Variants in ATP10B observed in about 807,000 individuals in gnomAD.
ATP10B encodes ATPase phospholipid transporting 10B (putative), also known as phospholipid-transporting ATPase VB.
A neutral mutation model predicts 141.2 loss-of-function variants in ATP10B; 122 were observed. That is an observed-to-expected ratio of 0.86 (90% CI 0.75 to 1.00). The LOEUF is 1.00. Among genes scored for constraint, ATP10B ranks in the 50% least tolerant of loss-of-function variants. The pLI is 0.00. For synonymous variants in ATP10B, 685 were observed against 692.0 expected (o/e 0.99, Z 0.16); for missense variants, 1,876 against 1,825.3 (o/e 1.03, Z -0.51).
At chr5:160,663,571 T>G (rs1230703461) in intron 7 of ATP10B, among the ~76,000 whole-genome samples, 1 of 151,850 alleles carries the variant, frequency 6.6e-6, no homozygotes, top group Non-Finnish European at 1.5e-5. Flanking sequence ...TTCTCACTCA[T>G]AGATGGGAAT....
the ATP10B span, among the ~76,000 whole-genome samples, chr5:160,926,740 C>G: frequency 1.3e-5 from 2 of 152,232 alleles, no homozygotes; most frequent in African/African-American, 4.8e-5. Context: ...AGCAAATAGG[C>G]TGAGTGTTAA....
the ATP10B span, among the ~76,000 whole-genome samples, chr5:160,881,798 A>T: frequency 5.3e-5 from 8 of 152,022 alleles, no homozygotes; most frequent in South Asian, 1.0e-3. Context: ...GTGACAGAGC[A>T]AGACTCCATC....
At chr5:160,736,659 C>T (rs2127801243) in intron 2 of ATP10B, among the ~76,000 whole-genome samples, 1 of 152,228 alleles carries the variant, frequency 6.6e-6, no homozygotes, top group South Asian at 2.1e-4. Flanking sequence ...ACCTGGGAGG[C>T]TGAGGCAGAA....
chr5:160,689,438 CTATG>C (rs1249343247), intron 3 of ATP10B, among the ~76,000 whole-genome samples: 1 of 152,168 alleles, frequency 6.6e-6, no homozygotes, highest in Non-Finnish European at 1.5e-5. Flanking sequence ...GTCAAATGGT[CTATG>C]TTTGCAGATG....
At chr5:160,598,215 T>C (rs1204540033) in intron 22 of ATP10B, among the ~76,000 whole-genome samples, 5 of 151,932 alleles carry the variant, frequency 3.3e-5, no homozygotes, top group Admixed American at 2.0e-4. Context: ...CCATAAAAAA[T>C]GATGAGTTCA....
intron 9 of ATP10B, among the ~76,000 whole-genome samples, chr5:160,641,992 G>T (rs1302437380): frequency 6.6e-6 from 1 of 152,208 alleles, no homozygotes; most frequent in Admixed American, 6.5e-5. Context: ...TCCATTCAGG[G>T]ATCCTGGGAC....
chr5:160,748,136 T>C (rs976569187), intron 2 of ATP10B, among the ~76,000 whole-genome samples: 1 of 152,036 alleles, frequency 6.6e-6, no homozygotes, highest in Admixed American at 6.6e-5. Flanking sequence ...ATCTGAAACA[T>C]GCGGTGTAGA....
chr5:160,897,403 C>T, the ATP10B span, among the ~76,000 whole-genome samples: 1 of 152,052 alleles, frequency 6.6e-6, no homozygotes, highest in Non-Finnish European at 1.5e-5. Flanking sequence ...CAATAACAGA[C>T]AAACAGAGAG....
At chr5:160,735,921 TA>T (rs1201805139) in intron 2 of ATP10B, among the ~76,000 whole-genome samples, 1 of 151,762 alleles carries the variant, frequency 6.6e-6, no homozygotes, top group Non-Finnish European at 1.5e-5. Flanking sequence ...TTAAGGAAAT[TA>T]AAAAAAATTC....
chr5:160,647,025 C>T (rs1263377116), intron 8 of ATP10B, among the ~76,000 whole-genome samples: 2 of 152,166 alleles, frequency 1.3e-5, no homozygotes, highest in African/African-American at 4.8e-5. Context: ...TAGACATTGT[C>T]AAATGTCTCC....
intron 1 of ATP10B, among the ~76,000 whole-genome samples, chr5:160,831,396 A>C (rs562986284): frequency 6.6e-6 from 1 of 152,146 alleles, no homozygotes; most frequent in Admixed American, 6.6e-5. Flanking sequence ...CCCCTACTTA[A>C]GCTTTAAATA....
In ATP10B at chr5:160,640,463, A is replaced by T. The variant is rs757999420; in HGVS notation, c.998T>A (p.Val333Glu). 8.7e-6 allele frequency: 14 copies of T among 1,613,820 alleles called. No homozygotes were observed. The highest frequency in any genetic ancestry group is 1.6e-4 in the Middle Eastern group (1 of 6,084). Residue 333 changes from valine (V) to glutamate (E), a missense_variant and splice_region_variant, in exon 10 of 26, where the codon GTA (valine) becomes GAA (glutamate). Transcript: ENST00000327245. Reference protein sequence around the residue: ...ILILMCLIGAVGHSIWNGTFE... With the variant: ...ILILMCLIGAEGHSIWNGTFE... ...GTTCTTTCCAGAACATCCCATACCT[A>T]CAGCTCCAATAAGGCACATGAGGAT... is the stretch of plus-strand genomic sequence containing the variant.
intron 17 of ATP10B, among the ~76,000 whole-genome samples, chr5:160,613,454 T>C (rs6556505): frequency 0.83 from 126,023 of 152,204 alleles, 52,331 homozygotes; most frequent in African/African-American, 0.88. Flanking sequence ...GTAGTGAAAG[T>C]TATTCAAGGG....
intron 7 of ATP10B, among the ~76,000 whole-genome samples, chr5:160,658,457 T>G (rs1761658664): frequency 6.6e-6 from 1 of 152,196 alleles, no homozygotes; most frequent in Non-Finnish European, 1.5e-5. Context: ...TTTATATATT[T>G]CTGATGAGTC....
intron 1 of ATP10B, among the ~76,000 whole-genome samples, chr5:160,811,950 G>T (rs2127947604): frequency 6.6e-6 from 1 of 152,122 alleles, no homozygotes; most frequent in African/African-American, 2.4e-5. Flanking sequence ...GGTGGCCACA[G>T]GGGTGCCTGT....
At chr5:160,853,824 ATCTT>A (rs1753925315), upstream of ATP10B, among the ~76,000 whole-genome samples, 1 of 152,222 alleles carries the variant, frequency 6.6e-6, no homozygotes, top group South Asian at 2.1e-4. Flanking sequence ...TAGAGGGACT[ATCTT>A]TCTTTTGTTT....
At chr5:160,894,451 T>A in the ATP10B span, among the ~76,000 whole-genome samples, 1 of 151,474 alleles carries the variant, frequency 6.6e-6, no homozygotes, top group Non-Finnish European at 1.5e-5. Flanking sequence ...AGAAAGGATA[T>A]CAGAGACTGA....
intron 2 of ATP10B, among the ~76,000 whole-genome samples, chr5:160,765,688 G>T (rs1769352263): frequency 6.6e-6 from 1 of 152,052 alleles, no homozygotes; most frequent in Admixed American, 6.6e-5. Context: ...AAAAGTAAAT[G>T]CAAGAAAAAC....
At chr5:160,741,430 A>T (rs1440219177) in intron 2 of ATP10B, among the ~76,000 whole-genome samples, 3 of 152,092 alleles carry the variant, frequency 2.0e-5, no homozygotes, top group Non-Finnish European at 2.9e-5. Context: ...GCGGTCAGTG[A>T]CTTGCGTCCT....
Sources: gnomAD v4.1 joint callset for allele counts (sites outside exome capture counted in the v4.1 genomes callset) on GRCh38, gnomAD v4.1.1 for gene constraint, MANE v1.5 for transcripts, NCBI Gene and HGNC (gene_info 2026-07-23, HGNC 2026-07-21) for gene names.